The following RBFOX1 variants were observed in gnomAD, a reference collection of about 807,000 sequenced individuals.
The protein encoded by RBFOX1 is RNA binding fox-1 homolog 1.
Under a neutral mutation model 57.7 loss-of-function variants are expected in RBFOX1, and 8 were observed. The observed-to-expected ratio is 0.14, with a 90% CI of 0.08 to 0.25. RBFOX1 has a LOEUF of 0.25. Among genes scored for constraint, RBFOX1 ranks in the 10% least tolerant of loss-of-function variants. The probability of loss-of-function intolerance (pLI) is 1.00; values close to 1 mark genes in which losing one functional copy is unlikely to be tolerated. For missense variants in RBFOX1, 611 were observed against 548.5 expected, an observed-to-expected ratio of 1.11 and a Z score of -1.14; for synonymous variants, 326 against 222.4, an observed-to-expected ratio of 1.47 and a Z score of -4.15.
At chr16:6,236,120 A>T (rs186828252) in intron 1 of RBFOX1, among the ~76,000 whole-genome samples, 217 of 152,360 alleles carry the variant, frequency 1.4e-3, no homozygotes, top group African/African-American at 4.6e-3. Flanking sequence ...TCCATTGCTT[A>T]AAAGCAAAAC....
At chr16:6,209,083 A>C (rs1172245694) in intron 1 of RBFOX1, among the ~76,000 whole-genome samples, 1 of 152,192 alleles carries the variant, frequency 6.6e-6, no homozygotes, top group Non-Finnish European at 1.5e-5. Flanking sequence ...TGTTTTGAGA[A>C]GAGGAGAGGA....
chr16:6,005,234 C>A (rs1396414868), intron 4 of RBFOX1, among the ~76,000 whole-genome samples: 1 of 152,188 alleles, frequency 6.6e-6, no homozygotes, highest in African/African-American at 2.4e-5. Flanking sequence ...AAACACCCTG[C>A]AGCTGAAATT....
At chr16:6,605,956 G>T (rs2345609) in intron 2 of RBFOX1, among the ~76,000 whole-genome samples, 52,428 of 151,480 alleles carry the variant, frequency 0.35, 9,462 homozygotes, top group African/African-American at 0.43. Flanking sequence ...AGAAATTAGC[G>T]GAGCATGGTT....
At position 7,353,703 on chromosome 16, in the gene RBFOX1, A is replaced by G. The variant is rs144268542; in HGVS notation, c.28-164444A>G. ...TTGTACTAAGTGAGTGAAGTCAGAT[A>G]CAAAGGACTACATATTGTATGATTC... On this transcript the variant is annotated intron_variant, in intron 4 of 15. Transcript: ENST00000550418. Among the ~76,000 whole-genome samples, 13 of 152,354 alleles carry G rather than the reference A, an allele frequency of 8.5e-5. No individual in the cohort carries two copies. The East Asian group carries it at 2.5e-3, about 29-fold the overall frequency.
intron 3 of RBFOX1, among the ~76,000 whole-genome samples, chr16:6,965,894 G>A (rs1413878463): frequency 2.0e-5 from 3 of 152,112 alleles, no homozygotes; most frequent in Non-Finnish European, 4.4e-5. Flanking sequence ...TTTGCCCAAG[G>A]AAATGCCGGG....
chr16:7,048,350 C>T (rs540461808), intron 3 of RBFOX1, among the ~76,000 whole-genome samples: 2 of 152,246 alleles, frequency 1.3e-5, no homozygotes, highest in South Asian at 2.1e-4. Flanking sequence ...ACCTCTGCCT[C>T]CCAGGTTCAA....
At chr16:7,464,493 G>T (rs1432281359) in intron 4 of RBFOX1, among the ~76,000 whole-genome samples, 1 of 151,880 alleles carries the variant, frequency 6.6e-6, no homozygotes, top group Non-Finnish European at 1.5e-5. Flanking sequence ...GGGATTTGGG[G>T]TTGCCAAGGC....
At chr16:7,343,359 A>T (rs970879582) in intron 4 of RBFOX1, among the ~76,000 whole-genome samples, 1 of 152,012 alleles carries the variant, frequency 6.6e-6, no homozygotes. Context: ...GGAGCATGGG[A>T]CTCCAGAACA....
chr16:6,167,863 A>T (rs1464919051), intron 1 of RBFOX1, among the ~76,000 whole-genome samples: 1 of 152,132 alleles, frequency 6.6e-6, no homozygotes, highest in African/African-American at 2.4e-5. Context: ...CTGCTCCGGG[A>T]TGGGGTCAAG....
chr16:5,663,809 C>G (rs2049740998), intron 3 of RBFOX1, among the ~76,000 whole-genome samples: 1 of 152,210 alleles, frequency 6.6e-6, no homozygotes, highest in Admixed American at 6.5e-5. Flanking sequence ...TTGTGCTTCA[C>G]ACGTCAAAGA....
At position 6,899,423 on chromosome 16, in the gene RBFOX1, C is replaced by T. The variant is rs141640138; in HGVS notation, c.-15-152634C>T. Among the ~76,000 whole-genome samples, 42 of 152,250 alleles carry T rather than the reference C, an allele frequency of 2.8e-4. No individual in the cohort carries two copies. In the East Asian group the frequency reaches 6.6e-3, roughly 24 times the overall value. ...ATTTTCATGAAGCATGGATACATTA[C>T]AATTTTTACATTTTTAGTTGGTTGT... On this transcript the variant is annotated intron_variant, in intron 3 of 15. Coordinates refer to ENST00000550418, the MANE Select transcript of RBFOX1 (RefSeq NM_018723.4).
At chr16:6,050,937 A>G (rs1335862670) in intron 1 of RBFOX1, among the ~76,000 whole-genome samples, 1 of 148,910 alleles carries the variant, frequency 6.7e-6, no homozygotes, top group Non-Finnish European at 1.5e-5. Flanking sequence ...TCCTTCCTCA[A>G]GTTTCTGCAG....
intron 1 of RBFOX1, among the ~76,000 whole-genome samples, chr16:5,444,930 A>G (rs2068196903): frequency 6.6e-6 from 1 of 152,296 alleles, no homozygotes; most frequent in Admixed American, 6.5e-5. Context: ...AGCTTTCCCA[A>G]GGTCACAGGC....
chr16:5,856,335 T>TTATA (rs55763325), intron 3 of RBFOX1, among the ~76,000 whole-genome samples: 27 of 104,544 alleles, frequency 2.6e-4, no homozygotes, highest in East Asian at 8.5e-4. Context: ...AACTGTTATA[T>TTATA]TATATATATA....
At chr16:6,965,403 C>T (rs984588711) in intron 3 of RBFOX1, among the ~76,000 whole-genome samples, 5 of 151,582 alleles carry the variant, frequency 3.3e-5, no homozygotes, top group South Asian at 2.1e-4. Context: ...AGTGCAGTGG[C>T]GTGATCTCAG....
At chr16:5,679,887 A>G (rs2050277919) in intron 3 of RBFOX1, among the ~76,000 whole-genome samples, 2 of 152,172 alleles carry the variant, frequency 1.3e-5, no homozygotes, top group African/African-American at 2.4e-5. Flanking sequence ...AGTGAGCAAA[A>G]TGTTTAGTCT....
intron 4 of RBFOX1, among the ~76,000 whole-genome samples, chr16:7,053,183 G>T (rs2050698032): frequency 6.6e-6 from 1 of 152,156 alleles, no homozygotes; most frequent in Non-Finnish European, 1.5e-5. Flanking sequence ...TGAAGTACTT[G>T]GGTAAAATAA....
At chr16:7,665,018 TCTTTTTA>T in intron 13 of RBFOX1, 50 bp downstream of exon 13, 1 of 1,613,824 alleles carries the variant, frequency 6.2e-7, no homozygotes, top group Non-Finnish European at 8.5e-7. Flanking sequence ...CTGGAGTCAT[TCTTTTTA>T]CAAGTTTGCT....
chr16:7,689,092 A>G (rs1711777253), intron 14 of RBFOX1, among the ~76,000 whole-genome samples: 2 of 152,096 alleles, frequency 1.3e-5, no homozygotes, highest in Non-Finnish European at 2.9e-5. Context: ...GAGGATAAAA[A>G]GAAGGGTTAT....
Sources: gnomAD v4.1 joint callset for allele counts (sites outside exome capture counted in the v4.1 genomes callset) on GRCh38, gnomAD v4.1.1 for gene constraint, MANE v1.5 for transcripts, NCBI Gene and HGNC (gene_info 2026-07-23, HGNC 2026-07-21) for gene names.